The following SUFU variants were observed in gnomAD, a reference collection of about 807,000 sequenced individuals.
The protein encoded by SUFU is SUFU negative regulator of hedgehog signaling.
In SUFU, 7 loss-of-function variants were observed where a neutral mutation model predicts 58.9. The observed-to-expected ratio is 0.12, with a 90% CI of 0.07 to 0.22. SUFU has a LOEUF of 0.22. Among genes scored for constraint, SUFU ranks in the 10% least tolerant of loss-of-function variants. The pLI is 1.00. For missense variants in SUFU, 451 were observed against 641.3 expected (o/e 0.70, Z 3.20); for synonymous variants, 232 against 254.8 (o/e 0.91, Z 0.85).
intron 3 of SUFU, among the ~76,000 whole-genome samples, chr10:102,564,642 C>T (rs1452675416): frequency 2.0e-5 from 3 of 152,130 alleles, no homozygotes; most frequent in African/African-American, 4.8e-5. Flanking sequence ...CTCAAGCTCT[C>T]GTTTCCTGGT....
At chr10:102,558,836 C>T (rs967374122) in intron 3 of SUFU, among the ~76,000 whole-genome samples, 6 of 152,312 alleles carry the variant, frequency 3.9e-5, no homozygotes, top group South Asian at 2.1e-4. Flanking sequence ...GAGGAGATGT[C>T]GATGGAGCGG....
At chr10:102,603,561 G>A (rs972935318) in intron 8 of SUFU, among the ~76,000 whole-genome samples, 2 of 152,188 alleles carry the variant, frequency 1.3e-5, no homozygotes, top group African/African-American at 4.8e-5. Flanking sequence ...TCTAAAAAGC[G>A]AACTCACCAT....
rs182764670 is a variant in SUFU at position 102,547,626 on chromosome 10, T to C, written c.318-2344T>C. On this transcript the variant is annotated intron_variant, in intron 2 of 11. Transcript: ENST00000369902. ...TACTTGAGCCTGGGAGTTCAAGGAC[T>C]AGCCTAGGCAATGTGTTGAGACCTG... Among the ~76,000 whole-genome samples, 42 of 152,270 alleles carry C rather than the reference T, an allele frequency of 2.8e-4. No individual in the cohort carries two copies. The Middle Eastern group carries it at 0.01, about 37-fold the overall frequency.
intron 3 of SUFU, among the ~76,000 whole-genome samples, chr10:102,580,027 G>GCC (rs1378925159): frequency 0.046 from 1,919 of 41,524 alleles, 7 homozygotes; most frequent in Middle Eastern, 0.13. Context: ...CTCCTCCCCC[G>GCC]CACCCCCCCC....
chr10:102,617,665 A>T lies in SUFU; in HGVS notation c.1296+237A>T, dbSNP rs2063701224. ...CCCTGTCACCTGAGACACAAGTGTT[A>T]ACTCTCCAGGCCCTGGCTCTTGGTA... On this transcript the variant is annotated intron_variant, in intron 10 of 11. Coordinates refer to ENST00000369902, the MANE Select transcript of SUFU (RefSeq NM_016169.4). This position sits in a 1 kb window ranked among gnomAD's most constrained non-coding sequence, Gnocchi z 4.4. 4 of 622,422 alleles carry T rather than the reference A, an allele frequency of 6.4e-6. No individual in the cohort carries two copies. The allele number at this position is 622,422 out of a possible 1,614,324, so 38.6% of individuals were successfully genotyped here.
At chr10:102,553,117 T>C (rs1258342283) in intron 3 of SUFU, among the ~76,000 whole-genome samples, 1 of 152,234 alleles carries the variant, frequency 6.6e-6, no homozygotes, top group Non-Finnish European at 1.5e-5. Context: ...GTGTAATACT[T>C]GACTTTCTAT....
chr10:102,503,204 G>T (rs1036348119), upstream of SUFU, among the ~76,000 whole-genome samples: 3 of 152,182 alleles, frequency 2.0e-5, no homozygotes, highest in African/African-American at 7.2e-5. Flanking sequence ...GTACGCGAGA[G>T]GACATATTCC....
rs765327005 is a variant in SUFU at position 102,570,484 on chromosome 10, G to A, written c.454+20378G>A. On this transcript the variant is annotated intron_variant, in intron 3 of 11. Transcript: ENST00000369902. ...TCTCGAACTCCTGACTTTGTGATCC[G>A]CCTGCCTCGGTCTCCCAAAGGAGAC... Among the ~76,000 whole-genome samples the A allele has an allele frequency of 2.0e-5, 3 of 152,070 alleles. 1 individual carries two copies. The highest frequency in any genetic ancestry group is 4.1e-4 in the South Asian group (2 of 4,824).
intron 2 of SUFU, among the ~76,000 whole-genome samples, chr10:102,536,436 G>A (rs980159382): frequency 5.0e-5 from 7 of 141,220 alleles, no homozygotes; most frequent in Admixed American, 2.9e-4. Flanking sequence ...CAATCTCGGC[G>A]CACTGCAACC....
At chr10:102,542,445 T>TATA (rs112067256) in intron 2 of SUFU, among the ~76,000 whole-genome samples, 2 of 123,298 alleles carry the variant, frequency 1.6e-5, no homozygotes, top group South Asian at 2.3e-4. Flanking sequence ...TATATATATA[T>TATA]TTTTTTTTAA....
chr10:102,557,230 TAAAA>T (rs1478018952), intron 3 of SUFU, among the ~76,000 whole-genome samples: 2 of 120,988 alleles, frequency 1.7e-5, no homozygotes, highest in African/African-American at 3.1e-5. Flanking sequence ...ACCCTGCCTC[TAAAA>T]AAAAAAAAAA....
At chr10:102,550,806 A>G (rs1366495378) in intron 3 of SUFU, among the ~76,000 whole-genome samples, 1 of 150,452 alleles carries the variant, frequency 6.6e-6, no homozygotes, top group Non-Finnish European at 1.5e-5. Flanking sequence ...CAATGGCGCA[A>G]TCTCGACTCA....
At chr10:102,596,152 C>T (rs2063459873) in intron 6 of SUFU, among the ~76,000 whole-genome samples, 1 of 152,210 alleles carries the variant, frequency 6.6e-6, no homozygotes, top group Non-Finnish European at 1.5e-5. Flanking sequence ...GGCAGAGCCA[C>T]TTGCTGACTG....
chr10:102,601,319 G>A (rs188166576), intron 8 of SUFU, among the ~76,000 whole-genome samples: 3 of 152,292 alleles, frequency 2.0e-5, no homozygotes, highest in Admixed American at 1.3e-4. Context: ...CACATAAGCC[G>A]AGACTCTCAG....
intron 10 of SUFU, among the ~76,000 whole-genome samples, chr10:102,626,870 C>T (rs1248049196): frequency 2.6e-5 from 4 of 151,590 alleles, no homozygotes; most frequent in South Asian, 2.1e-4. Context: ...TCCTTTTTAC[C>T]GGCCCCACCA....
chr10:102,505,922 C>T (rs1279098615), intron 1 of SUFU, among the ~76,000 whole-genome samples: 1 of 151,564 alleles, frequency 6.6e-6, no homozygotes, highest in Admixed American at 6.6e-5. Context: ...TGGGCCTGGG[C>T]TGGGCACAGT....
At chr10:102,538,134 G>A (rs2062762469) in intron 2 of SUFU, among the ~76,000 whole-genome samples, 1 of 152,176 alleles carries the variant, frequency 6.6e-6, no homozygotes, top group Non-Finnish European at 1.5e-5. Context: ...CTGATGTAAA[G>A]TTCCTGTTCC....
At chr10:102,592,488 AAGCCTCCCAGCCTG>A in intron 3 of SUFU, 80 bp from the exon 4 acceptor site, 1 of 1,472,414 alleles carries the variant, frequency 6.8e-7, no homozygotes, top group Non-Finnish European at 9.4e-7. Flanking sequence ...AGAGGCTGGG[AAGCCTCCCAGCCTG>A]GGCTAGTGAG....
intron 8 of SUFU, among the ~76,000 whole-genome samples, chr10:102,609,008 T>A (rs947129100): frequency 6.6e-6 from 1 of 152,342 alleles, no homozygotes; most frequent in Non-Finnish European, 1.5e-5. Context: ...TAGATATGTC[T>A]TCATAGTCTT....
Sources: gnomAD v4.1 joint callset for allele counts (sites outside exome capture counted in the v4.1 genomes callset) on GRCh38, gnomAD v4.1.1 for gene constraint, Gnocchi (gnomAD v3.1) non-coding constraint, MANE v1.5 for transcripts, NCBI Gene and HGNC (gene_info 2026-07-23, HGNC 2026-07-21) for gene names.